PLXDC2: variants seen among roughly 807,000 people sequenced by gnomAD.
PLXDC2 encodes the protein plexin domain-containing protein 2.
A neutral mutation model predicts 68.9 loss-of-function variants in PLXDC2; 40 were observed. That is an observed-to-expected ratio of 0.58 (90% CI 0.45 to 0.76). The LOEUF (loss-of-function observed/expected upper bound fraction) is 0.76. Among genes scored for constraint, PLXDC2 ranks in the 30% least tolerant of loss-of-function variants. The pLI is 0.00. For missense variants in PLXDC2, 644 were observed against 661.9 expected, an observed-to-expected ratio of 0.97 and a Z score of 0.30; for synonymous variants, 243 against 234.2, an observed-to-expected ratio of 1.04 and a Z score of -0.34.
At position 19,908,731 on chromosome 10, in the gene PLXDC2, CCACACAGCAGTTCTTGAGACTACAT is replaced by C. The variant is rs541647044; in HGVS notation, c.112+91568_112+91592del. 5.3e-4 allele frequency among the ~76,000 whole-genome samples: 81 copies of C among 152,088 alleles called. 1 individual carries two copies. In the South Asian group the frequency reaches 0.015, roughly 28 times the overall value. On this transcript the variant is annotated intron_variant, in intron 1 of 13. Coordinates refer to ENST00000377252, the MANE Select transcript of PLXDC2 (RefSeq NM_032812.9). The stretch of plus-strand genomic sequence containing the variant: ...CCCTATGTATATTACCTCATTTATT[CCACACAGCAGTTCTTGAGACTACAT>C]CACACAGCAGTTCTTGAGACTACAT...
intron 7 of PLXDC2, among the ~76,000 whole-genome samples, chr10:20,169,531 C>T (rs78056874): frequency 0.016 from 2,452 of 152,270 alleles, 66 homozygotes; most frequent in African/African-American, 0.055. Context: ...CCTGGATACA[C>T]GCACGATTCT....
intron 1 of PLXDC2, among the ~76,000 whole-genome samples, chr10:19,948,374 T>TTTTC (rs1341913534): frequency 2.2e-4 from 29 of 130,222 alleles, no homozygotes; most frequent in Non-Finnish European, 2.7e-4. Flanking sequence ...TGCAGAATGA[T>TTTTC]TTTCTTTCTT....
At chr10:20,013,501 T>A (rs1177064550) in intron 2 of PLXDC2, among the ~76,000 whole-genome samples, 1 of 152,184 alleles carries the variant, frequency 6.6e-6, no homozygotes, top group Non-Finnish European at 1.5e-5. Flanking sequence ...GATTCTCGGT[T>A]TTTTTCCTAA....
At chr10:20,073,736 A>G (rs1009360867) in intron 4 of PLXDC2, among the ~76,000 whole-genome samples, 2 of 152,138 alleles carry the variant, frequency 1.3e-5, no homozygotes, top group South Asian at 4.1e-4. Flanking sequence ...TCATCAAAAC[A>G]GTTTCATTAG....
chr10:20,064,655 C>T (rs1180177681), intron 3 of PLXDC2, among the ~76,000 whole-genome samples: 1 of 152,054 alleles, frequency 6.6e-6, no homozygotes, highest in Non-Finnish European at 1.5e-5. Context: ...CACAGCTAAC[C>T]AAAATAGCTC....
intron 12 of PLXDC2, 69 bp downstream of exon 12, chr10:20,219,171 A>T (rs1466148132): frequency 6.7e-7 from 1 of 1,498,392 alleles, no homozygotes; most frequent in Non-Finnish European, 9.1e-7. Flanking sequence ...TTTTACTATG[A>T]GAAAGGCAAT....
At chr10:19,844,130 G>C (rs1384072454) in intron 1 of PLXDC2, among the ~76,000 whole-genome samples, 3 of 152,194 alleles carry the variant, frequency 2.0e-5, no homozygotes, top group Admixed American at 2.0e-4. Flanking sequence ...AATTGTATCT[G>C]TAGTGAGCGG....
At chr10:20,008,728 C>G (rs1031665369) in intron 2 of PLXDC2, among the ~76,000 whole-genome samples, 2 of 152,114 alleles carry the variant, frequency 1.3e-5, no homozygotes, top group African/African-American at 2.4e-5. Flanking sequence ...TCCCATAATT[C>G]CCATGTGTTG....
intron 7 of PLXDC2, among the ~76,000 whole-genome samples, chr10:20,172,434 G>A (rs934938145): frequency 5.3e-5 from 8 of 152,078 alleles, no homozygotes; most frequent in African/African-American, 9.7e-5. Context: ...GTGACACTGC[G>A]TGGACAATTT....
intron 1 of PLXDC2, among the ~76,000 whole-genome samples, chr10:19,894,974 A>G (rs1323009230): frequency 6.6e-6 from 1 of 152,202 alleles, no homozygotes; most frequent in Non-Finnish European, 1.5e-5. Flanking sequence ...AGACACATGC[A>G]CACATATGTT....
chr10:19,858,598 C>A (rs1411023438), intron 1 of PLXDC2, among the ~76,000 whole-genome samples: 1 of 152,148 alleles, frequency 6.6e-6, no homozygotes, highest in African/African-American at 2.4e-5. Context: ...GTCTTCTTAA[C>A]ATCTAAATGA....
chr10:20,162,071 A>AGAAGGAAGGAAG (rs1181393820), intron 6 of PLXDC2, among the ~76,000 whole-genome samples: 38 of 44,900 alleles, frequency 8.5e-4, no homozygotes, highest in South Asian at 2.5e-3. Flanking sequence ...AGAGAGAGAG[A>AGAAGGAAGGAAG]GAAGGAAGGA....
chr10:20,021,503 C>A (rs931120314), intron 2 of PLXDC2, among the ~76,000 whole-genome samples: 1 of 151,786 alleles, frequency 6.6e-6, no homozygotes, highest in African/African-American at 2.4e-5. Context: ...AATTGTTTTA[C>A]AATTCTTAGC....
At chr10:19,889,840 T>C (rs1160597826) in intron 1 of PLXDC2, among the ~76,000 whole-genome samples, 1 of 152,164 alleles carries the variant, frequency 6.6e-6, no homozygotes, top group African/African-American at 2.4e-5. Context: ...GCTAATCGTG[T>C]AGGCACTGGG....
intron 6 of PLXDC2, among the ~76,000 whole-genome samples, chr10:20,151,586 A>T (rs769980190): frequency 6.6e-6 from 1 of 152,182 alleles, no homozygotes. Flanking sequence ...TAAAGAGATT[A>T]TGTAAAACAA....
At chr10:19,949,068 A>G (rs754961264) in intron 1 of PLXDC2, among the ~76,000 whole-genome samples, 1 of 137,222 alleles carries the variant, frequency 7.3e-6, no homozygotes, top group Non-Finnish European at 1.5e-5. Flanking sequence ...CAGAGGTTGC[A>G]GTGAACCAAG....
At chr10:19,979,046 A>T (rs1834504646) in intron 1 of PLXDC2, among the ~76,000 whole-genome samples, 1 of 152,210 alleles carries the variant, frequency 6.6e-6, no homozygotes, top group Non-Finnish European at 1.5e-5. Flanking sequence ...TTGATAAAAG[A>T]TCTCCAGGTT....
chr10:19,983,932 C>T (rs1193874760), intron 1 of PLXDC2, among the ~76,000 whole-genome samples: 1 of 152,070 alleles, frequency 6.6e-6, no homozygotes, highest in Non-Finnish European at 1.5e-5. Flanking sequence ...CTCATCACTC[C>T]AATAATTAAT....
chr10:19,878,927 G>A (rs1335736840), intron 1 of PLXDC2, among the ~76,000 whole-genome samples: 5 of 152,120 alleles, frequency 3.3e-5, no homozygotes. Flanking sequence ...GGGGAATTAA[G>A]AAGAAGCAGA....
Sources: gnomAD v4.1 joint callset for allele counts (sites outside exome capture counted in the v4.1 genomes callset) on GRCh38, gnomAD v4.1.1 for gene constraint, MANE v1.5 for transcripts, NCBI Gene and HGNC (gene_info 2026-07-23, HGNC 2026-07-21) for gene names.